OR7A17: variants seen among roughly 807,000 people sequenced by gnomAD.
OR7A17 encodes the protein olfactory receptor 7A17.
For missense variants in OR7A17, 366 were observed against 365.5 expected, an observed-to-expected ratio of 1.00 and a Z score of -0.01; for synonymous variants, 159 against 142.1, an observed-to-expected ratio of 1.12 and a Z score of -0.85.
Position 14,880,647 on chromosome 19 carries a change from C to T in OR7A17, c.709G>A (p.Ala237Thr), listed in dbSNP as rs13345394. 0.032 allele frequency: 51,277 copies of T among 1,613,986 alleles called. 1,067 individuals are homozygous for T. Among genetic ancestry groups the T allele is most frequent in the African/African-American group, 0.095 (7,095 of 74,954 alleles). Residue 237 changes from alanine to threonine, a missense_variant, in exon 3 of 3, where the codon GCA (alanine) becomes ACA (threonine). Physicochemically the swap from Ala to Thr is moderately conservative, Grantham distance 58. Coordinates refer to ENST00000641113, the MANE Select transcript of OR7A17 (RefSeq NM_030901.2). ...AISSAQGKYKAFSTCASHLSV... is the reference protein window; with the variant it reads ...AISSAQGKYKTFSTCASHLSV... ...AGGTGTGATGCACAGGTGGAAAATG[C>T]CTTGTACTTCCCCTGAGCTGATGAG...
chr19:14,882,772 T>C lies in OR7A17; in HGVS notation c.-294-901A>G, dbSNP rs77993119. Among the ~76,000 whole-genome samples the C allele has an allele frequency of 5.5e-3, 838 of 152,342 alleles. 9 individuals carry two copies. Among genetic ancestry groups the C allele is most frequent in the African/African-American group, 0.019 (786 of 41,570 alleles). ...GAATACAGAGCCCAAATCCCCTTTC[T>C]CTGCAACCTGCTTTTATGCTAAAGG... On this transcript the variant is annotated intron_variant, in intron 1 of 2. Coordinates refer to ENST00000641113, the MANE Select transcript of OR7A17 (RefSeq NM_030901.2).
chr19:14,881,056 C>G lies in OR7A17; in HGVS notation c.300G>C (p.Gln100His), dbSNP rs957097705. ...CTCCAAAAAGTACAAAAAAGCACAT[C>G]TGGGTGATGCAGCCTGCATAGGTGA... is the stretch of plus-strand genomic sequence containing the variant. ...RVITYAGCIT[Q>H]MCFFVLFGGL... is the part of the protein sequence containing the mutation. The change falls in exon 3 of 3, where the codon CAG becomes CAC. Residue 100 changes from glutamine to histidine, a missense_variant. Transcript: ENST00000641113. 1 of 1,614,130 alleles carries G rather than the reference C, an allele frequency of 6.2e-7. No homozygotes were observed. The highest frequency in any genetic ancestry group is 1.1e-5 in the South Asian group (1 of 91,082).
chr19:14,884,679 G>A (rs538882539), intron 1 of OR7A17: 1 of 152,216 alleles, frequency 6.6e-6, no homozygotes, highest in East Asian at 1.9e-4. Flanking sequence ...TTTCACAGCT[G>A]AATTCTGCCG....
At chr19:14,883,207 A>AG (rs1332496379) in intron 1 of OR7A17, among the ~76,000 whole-genome samples, 2 of 152,198 alleles carry the variant, frequency 1.3e-5, no homozygotes, top group African/African-American at 4.8e-5. Flanking sequence ...TGGGAGGCTG[A>AG]GGTGGGTAGA....
Position 14,881,026 on chromosome 19 carries a change from T to C in OR7A17, c.330A>G (p.Leu110=). 6.2e-7 allele frequency: 1 copy of C among 1,614,142 alleles called. No homozygotes were observed. Among genetic ancestry groups the C allele is most frequent in the Non-Finnish European group, 8.5e-7 (1 of 1,180,022 alleles). The change falls in exon 3 of 3, where the codon TTA becomes TTG. Residue 110 remains leucine (L), a synonymous_variant. Coordinates refer to ENST00000641113, the MANE Select transcript of OR7A17 (RefSeq NM_030901.2). ...QMCFFVLFGG[L]DSLLLAVMAY... ...CCATCACAGCCAGGAGTAAGCTGTC[T>C]AACCCTCCAAAAAGTACAAAAAAGC...
intron 1 of OR7A17, among the ~76,000 whole-genome samples, chr19:14,883,516 TC>T (rs2045122305): frequency 6.6e-6 from 1 of 152,206 alleles, no homozygotes; most frequent in African/African-American, 2.4e-5. Context: ...AATGAAATTC[TC>T]CATATGATTT....
chr19:14,883,015 T>C (rs2045119914), intron 1 of OR7A17, among the ~76,000 whole-genome samples: 1 of 152,230 alleles, frequency 6.6e-6, no homozygotes, highest in South Asian at 2.1e-4. Flanking sequence ...TCTTCTTTAA[T>C]TATTCATGTG....
chr19:14,881,444 G>T lies in OR7A17; in HGVS notation c.-89C>A. Reference sequence around the variant, plus strand: ...GTCTCTCACTCTGTTGCCAACGCTGGTCTGAACCTCCTGGACTCATGCGAT... The same window carrying T: ...GTCTCTCACTCTGTTGCCAACGCTGTTCTGAACCTCCTGGACTCATGCGAT... On this transcript the variant is annotated 5_prime_UTR_variant, in exon 3 of 3. Coordinates refer to ENST00000641113, the MANE Select transcript of OR7A17 (RefSeq NM_030901.2). The T allele has an allele frequency of 1.1e-6, 1 of 877,032 alleles. No homozygotes were observed. Among genetic ancestry groups the T allele is most frequent in the Non-Finnish European group, 1.5e-6 (1 of 656,664 alleles). The allele number at this position is 877,032 out of a possible 1,614,324, so 54.3% of individuals were successfully genotyped here. A position where few individuals can be genotyped will look rare whatever the true frequency, so the allele number is the denominator to read the frequency against.
chr19:14,884,080 C>T (rs891270611), intron 1 of OR7A17, among the ~76,000 whole-genome samples: 1 of 152,058 alleles, frequency 6.6e-6, no homozygotes, highest in Non-Finnish European at 1.5e-5. Flanking sequence ...TGTCTCCCGA[C>T]TCACATTTTA....
rs201404848 is a variant in OR7A17 at position 14,880,940 on chromosome 19, C to T, written c.416G>A (p.Arg139Gln). 39 of 1,614,030 alleles carry T rather than the reference C, an allele frequency of 2.4e-5. No homozygotes were observed. In the East Asian group the frequency reaches 4.9e-4, roughly 20 times the overall value. The change falls in exon 3 of 3, where the codon CGG (arginine) becomes CAG (glutamine). Residue 139 changes from arginine (R) to glutamine (Q), a missense_variant. Arg to Gln is a conservative substitution (Grantham distance 43, BLOSUM62 1). Transcript: ENST00000641113. ...TGCCAGAACCAGGAGTCCACAGAGCCGAGGGTTCATGATGACTGTGTAGTG... is the reference window on the plus strand; with the variant it reads ...TGCCAGAACCAGGAGTCCACAGAGCTGAGGGTTCATGATGACTGTGTAGTG... ...PLHYTVIMNP[R>Q]LCGLLVLASW...
At chr19:14,885,290 G>A (rs2045130841) in intron 1 of OR7A17, among the ~76,000 whole-genome samples, 2 of 152,178 alleles carry the variant, frequency 1.3e-5, no homozygotes, top group Non-Finnish European at 2.9e-5. Context: ...AATCAGGCAA[G>A]AGAAGGAAGT....
intron 1 of OR7A17, among the ~76,000 whole-genome samples, chr19:14,885,052 A>G (rs1378923970): frequency 1.3e-5 from 2 of 152,230 alleles, no homozygotes; most frequent in African/African-American, 2.4e-5. Context: ...TAGATGCAGA[A>G]AAGTCCTCCG....
Position 14,878,680 on chromosome 19 carries a change from T to C in OR7A17, c.*1746A>G, listed in dbSNP as rs930950312. The C allele has an allele frequency of 2.0e-5, 3 of 151,614 alleles. No individual in the cohort carries two copies. The highest frequency in any genetic ancestry group is 7.3e-5 in the African/African-American group (3 of 40,862). The allele number at this position is 151,614 out of a possible 1,614,324, so 9.4% of individuals were successfully genotyped here. Reference sequence around the variant, plus strand: ...AAATCTCCCAATGCAATTCAATGTATGACTGATTTTTTTTTTTGAGATGGA... The same window carrying C: ...AAATCTCCCAATGCAATTCAATGTACGACTGATTTTTTTTTTTGAGATGGA... On this transcript the variant is annotated 3_prime_UTR_variant, in exon 3 of 3. Coordinates refer to ENST00000641113, the MANE Select transcript of OR7A17 (RefSeq NM_030901.2).
rs2045122559 is a variant in OR7A17 at position 14,883,551 on chromosome 19, A to T, written c.-294-1680T>A. Among the ~76,000 whole-genome samples, 4 of 152,342 alleles carry T rather than the reference A, an allele frequency of 2.6e-5. No homozygotes were observed. The South Asian group carries it at 8.3e-4, about 32-fold the overall frequency. ...TTCATCCTTGAGGACATTGTGTCAT[A>T]GACACATTTGTTACATTTTACTTTG... is the stretch of plus-strand genomic sequence containing the variant. On this transcript the variant is annotated intron_variant, in intron 1 of 2. Coordinates refer to ENST00000641113, the MANE Select transcript of OR7A17 (RefSeq NM_030901.2).
rs1251783861 is a variant in OR7A17, at chr19:14,886,064, A to G, written c.-418T>C. 6.6e-6 allele frequency: 1 copy of G among 152,214 alleles called. No individual in the cohort carries two copies. The highest frequency in any genetic ancestry group is 1.5e-5 in the Non-Finnish European group (1 of 68,042). The allele number at this position is 152,214 out of a possible 1,614,324, so 9.4% of individuals were successfully genotyped here. A position where few individuals can be genotyped will look rare whatever the true frequency, so the allele number is the denominator to read the frequency against. ...ATCAGGAAAAGTTGAAGCATCATCT[A>G]TACTTGAGCCAGACTAAGGACTCCA... is the stretch of plus-strand genomic sequence containing the variant. On this transcript the variant is annotated 5_prime_UTR_variant, in exon 1 of 3. It removes the in-frame stop codon of an upstream open reading frame in the 5' UTR. Transcript: ENST00000641113.
In OR7A17 at chr19:14,881,186, G is replaced by T. The variant is rs1236466407; in HGVS notation, c.170C>A (p.Thr57Asn). 9 of 1,613,932 alleles carry T rather than the reference G, an allele frequency of 5.6e-6. No individual in the cohort carries two copies. The Admixed American group carries it at 6.7e-5, about 12-fold the overall frequency. The change falls in exon 3 of 3, where the codon ACC (threonine) becomes AAC (asparagine). Residue 57 changes from threonine to asparagine, a missense_variant. Coordinates refer to ENST00000641113, the MANE Select transcript of OR7A17 (RefSeq NM_030901.2). ...LATISDSHLH[T>N]PMYFFLSNLS... is the part of the protein sequence containing the mutation. ...GTTGGAGAGGAAGAAGTACATGGGG[G>T]TGTGGAGGTGGGAGTCTGAGATTGT...
At position 14,878,550 on chromosome 19, in the gene OR7A17, A is replaced by G. The variant is rs1032233588; in HGVS notation, c.*1876T>C. 2 of 152,272 alleles carry G rather than the reference A, an allele frequency of 1.3e-5. No homozygotes were observed. Among genetic ancestry groups the G allele is most frequent in the Admixed American group, 1.3e-4 (2 of 15,292 alleles). 9.4% of individuals were successfully genotyped at this position (152,272 alleles called of 1,614,324 possible). On this transcript the variant is annotated 3_prime_UTR_variant, in exon 3 of 3. Coordinates refer to ENST00000641113, the MANE Select transcript of OR7A17 (RefSeq NM_030901.2). The stretch of plus-strand genomic sequence containing the variant: ...TTTTAAGCAGAAACAGTAAAATGAT[A>G]TAATGAAATTACATAGACTGTGATT...
Position 14,880,421 on chromosome 19 carries a change from C to A in OR7A17, c.*5G>T. ...ATCACAGTTATTTCTTGAAAAATGGCCCTTTTATTGCTTTCCTCTGAAGGA... is the reference window on the plus strand; with the variant it reads ...ATCACAGTTATTTCTTGAAAAATGGACCTTTTATTGCTTTCCTCTGAAGGA... On this transcript the variant is annotated 3_prime_UTR_variant, in exon 3 of 3. Transcript: ENST00000641113. 6.4e-7 allele frequency: 1 copy of A among 1,558,536 alleles called. No homozygotes were observed. Among genetic ancestry groups the A allele is most frequent in the Non-Finnish European group, 8.7e-7 (1 of 1,152,700 alleles).
chr19:14,883,395 G>A (rs1052608420), intron 1 of OR7A17, among the ~76,000 whole-genome samples: 1 of 151,726 alleles, frequency 6.6e-6, no homozygotes, highest in African/African-American at 2.4e-5. Context: ...AGCTGAGATT[G>A]TGCCATTGCA....
Sources: gnomAD v4.1 joint callset for allele counts (sites outside exome capture counted in the v4.1 genomes callset) on GRCh38, gnomAD v4.1.1 for gene constraint, MANE v1.5 for transcripts, NCBI Gene and HGNC (gene_info 2026-07-23, HGNC 2026-07-21) for gene names.